RBFOX1: variants seen among roughly 807,000 people sequenced by gnomAD.
RBFOX1 encodes the protein RNA binding fox-1 homolog 1, also known as RNA binding protein fox-1 homolog 1.
A neutral mutation model predicts 57.7 loss-of-function variants in RBFOX1; 8 were observed. The observed-to-expected ratio is 0.14, with a 90% CI of 0.08 to 0.25. RBFOX1 has a LOEUF of 0.25. Among genes scored for constraint, RBFOX1 ranks in the 10% least tolerant of loss-of-function variants. The pLI, the probability that RBFOX1 is intolerant of heterozygous loss-of-function variation, is 1.00. For synonymous variants in RBFOX1, 326 were observed against 222.4 expected, an observed-to-expected ratio of 1.47 and a Z score of -4.15; for missense variants, 611 against 548.5, an observed-to-expected ratio of 1.11 and a Z score of -1.14.
chr16:6,280,969 A>T (rs199720492), intron 1 of RBFOX1, among the ~76,000 whole-genome samples: 1 of 138,824 alleles, frequency 7.2e-6, no homozygotes, highest in East Asian at 2.2e-4. Context: ...GTGTGTGTGT[A>T]TGTGTGTGTA....
chr16:5,815,835 T>G (rs943545148), intron 3 of RBFOX1, among the ~76,000 whole-genome samples: 2 of 152,214 alleles, frequency 1.3e-5, no homozygotes, highest in Non-Finnish European at 2.9e-5. Context: ...GAATGGCTGC[T>G]GGTTCACTAA....
chr16:7,381,393 C>A, intron 4 of RBFOX1, among the ~76,000 whole-genome samples: 1 of 152,130 alleles, frequency 6.6e-6, no homozygotes, highest in East Asian at 1.9e-4. Flanking sequence ...ATTTAAAATC[C>A]TTAAACACAT....
intron 3 of RBFOX1, among the ~76,000 whole-genome samples, chr16:5,640,640 AAC>A (rs2048832211): frequency 6.7e-6 from 1 of 148,748 alleles, no homozygotes; most frequent in African/African-American, 2.5e-5. Flanking sequence ...CATACACACA[AAC>A]ACATGCACAG....
At chr16:6,745,015 T>A (rs1026426714) in intron 3 of RBFOX1, among the ~76,000 whole-genome samples, 2 of 152,014 alleles carry the variant, frequency 1.3e-5, no homozygotes, top group African/African-American at 4.8e-5. Context: ...CTACAGACTC[T>A]ATAGGTATTA....
intron 3 of RBFOX1, among the ~76,000 whole-genome samples, chr16:7,033,443 C>T (rs143203528): frequency 6.6e-6 from 1 of 152,044 alleles, no homozygotes; most frequent in African/African-American, 2.4e-5. Flanking sequence ...TCGCTTGATC[C>T]CGGGAGGCGG....
chr16:6,284,070 A>G (rs1030372567), intron 1 of RBFOX1, among the ~76,000 whole-genome samples: 9 of 152,202 alleles, frequency 5.9e-5, no homozygotes, highest in Non-Finnish European at 1.0e-4. Context: ...ACATTATTCC[A>G]TAAAGAGCAC....
In RBFOX1 at chr16:5,781,427, A is replaced by G. The variant is rs993195223; in HGVS notation, c.319-85876A>G. ...GCAGTTCTTTACAATGTAGTAAGTA[A>G]CTATGCCAATAAATGCCAGTAGTAG... On this transcript the variant is annotated intron_variant, in intron 3 of 19. Coordinates refer to the RBFOX1 transcript ENST00000641259. 4.6e-5 allele frequency among the ~76,000 whole-genome samples: 7 copies of G among 152,302 alleles called. No homozygotes were observed. In the East Asian group the frequency reaches 1.2e-3, roughly 25 times the overall value.
chr16:6,435,720 G>C (rs926554624), intron 2 of RBFOX1, among the ~76,000 whole-genome samples: 3 of 152,158 alleles, frequency 2.0e-5, no homozygotes, highest in African/African-American at 7.2e-5. Context: ...ATCTAATTCT[G>C]AAATCATAAT....
At chr16:5,369,967 G>A (rs552538315) in intron 1 of RBFOX1, among the ~76,000 whole-genome samples, 9 of 152,264 alleles carry the variant, frequency 5.9e-5, no homozygotes, top group Non-Finnish European at 8.8e-5. Context: ...ATCGCTTAGA[G>A]TGGTTTCCTG....
At position 7,005,622 on chromosome 16, in the gene RBFOX1, C is replaced by A. The variant is rs570580801; in HGVS notation, c.-15-46435C>A. On this transcript the variant is annotated intron_variant, in intron 3 of 15. Transcript: ENST00000550418. ...TGTTGGTAGGAGGTGGCTTGACACTCACAGATAGACTTTGGTGTTGCCTGT... is the reference window on the plus strand; with the variant it reads ...TGTTGGTAGGAGGTGGCTTGACACTAACAGATAGACTTTGGTGTTGCCTGT... Among the ~76,000 whole-genome samples the A allele has an allele frequency of 5.2e-4, 79 of 152,236 alleles. No individual in the cohort carries two copies. In the South Asian group the frequency reaches 9.1e-3, roughly 18 times the overall value.
At chr16:7,148,098 A>T (rs556670004) in intron 4 of RBFOX1, among the ~76,000 whole-genome samples, 1 of 152,290 alleles carries the variant, frequency 6.6e-6, no homozygotes, top group Admixed American at 6.5e-5. Context: ...GTCACAGCCA[A>T]TCTCTAGGAA....
chr16:5,754,428 C>A (rs531339674), intron 3 of RBFOX1, among the ~76,000 whole-genome samples: 1 of 151,518 alleles, frequency 6.6e-6, no homozygotes, highest in Non-Finnish European at 1.5e-5. Context: ...GGGTGTTTCT[C>A]GTAAGGTGGG....
intron 4 of RBFOX1, among the ~76,000 whole-genome samples, chr16:7,382,502 C>T (rs916767120): frequency 6.6e-6 from 1 of 152,174 alleles, no homozygotes; most frequent in Non-Finnish European, 1.5e-5. Context: ...TAAATACTGA[C>T]AGTGTTACAA....
chr16:5,638,822 C>G (rs1032139153), intron 3 of RBFOX1, among the ~76,000 whole-genome samples: 9 of 152,138 alleles, frequency 5.9e-5, no homozygotes, highest in African/African-American at 2.2e-4. Context: ...GCTGAATGGG[C>G]TCAGAGAAAG....
intron 1 of RBFOX1, among the ~76,000 whole-genome samples, chr16:6,164,832 G>A (rs748557547): frequency 1.3e-5 from 2 of 152,074 alleles, no homozygotes; most frequent in African/African-American, 4.8e-5. Flanking sequence ...GAAGACTGTC[G>A]ATGTACTTGA....
intron 4 of RBFOX1, among the ~76,000 whole-genome samples, chr16:7,491,815 A>G (rs1004349914): frequency 1.3e-5 from 2 of 152,106 alleles, no homozygotes; most frequent in African/African-American, 2.4e-5. Flanking sequence ...ATATATATTT[A>G]AAAACATGTC....
chr16:6,830,285 A>G (rs1433437879), intron 3 of RBFOX1, among the ~76,000 whole-genome samples: 1 of 152,216 alleles, frequency 6.6e-6, no homozygotes, highest in Non-Finnish European at 1.5e-5. Context: ...TGATATACAC[A>G]ACAGGGAAAG....
chr16:7,585,976 C>G (rs1448992792), intron 6 of RBFOX1, among the ~76,000 whole-genome samples: 1 of 152,030 alleles, frequency 6.6e-6, no homozygotes, highest in Admixed American at 6.6e-5. Context: ...ATGCTCTCCA[C>G]TCAAGGGAGA....
chr16:7,145,900 C>G (rs1382011480), intron 4 of RBFOX1, among the ~76,000 whole-genome samples: 1 of 152,156 alleles, frequency 6.6e-6, no homozygotes, highest in African/African-American at 2.4e-5. Context: ...CCCATCCCCT[C>G]AAGTCCATGA....
Sources: gnomAD v4.1 joint callset for allele counts (sites outside exome capture counted in the v4.1 genomes callset) on GRCh38, gnomAD v4.1.1 for gene constraint, MANE v1.5 for transcripts, NCBI Gene and HGNC (gene_info 2026-07-23, HGNC 2026-07-21) for gene names.